Variants in MERTK observed in about 807,000 individuals in gnomAD.
The protein encoded by MERTK is tyrosine-protein kinase Mer.
In MERTK, 69 loss-of-function variants were observed where a neutral mutation model predicts 99.3. That is an observed-to-expected ratio of 0.70 (90% confidence interval 0.57 to 0.85). The LOEUF (loss-of-function observed/expected upper bound fraction) is 0.85, where lower values mean the gene tolerates loss of function less well. Among genes scored for constraint, MERTK ranks in the 40% least tolerant of loss-of-function variants. MERTK has a pLI of 0.00. For synonymous variants in MERTK, 426 were observed against 467.6 expected (o/e 0.91, Z 1.15); for missense variants, 1,125 against 1,249.4 (o/e 0.90, Z 1.50).
intron 7 of MERTK, among the ~76,000 whole-genome samples, chr2:111,976,205 A>G (rs958206780): frequency 1.3e-5 from 2 of 152,020 alleles, no homozygotes; most frequent in African/African-American, 4.8e-5. Context: ...ACCACCCTCC[A>G]GGAACCTGCA....
intron 1 of MERTK, among the ~76,000 whole-genome samples, chr2:111,907,409 C>T (rs1488934618): frequency 2.6e-5 from 4 of 152,102 alleles, no homozygotes; most frequent in African/African-American, 9.7e-5. Context: ...AGTAAAACTC[C>T]GTATCAAAAA....
Position 111,968,620 on chromosome 2 carries a change from A to T in MERTK, c.960+368A>T, listed in dbSNP as rs369675550. Among the ~76,000 whole-genome samples the T allele has an allele frequency of 9.9e-4, 150 of 151,802 alleles. 1 individual carries two copies. Among genetic ancestry groups the T allele is most frequent in the African/African-American group, 3.5e-3 (145 of 41,358 alleles). On this transcript the variant is annotated intron_variant, in intron 6 of 18. Transcript: ENST00000295408. ...GTGATCCCGGCTCACCGCAAACTCCACCTGGTTCAAGCAATTCTCCTGCCT... is the reference window on the plus strand; with the variant it reads ...GTGATCCCGGCTCACCGCAAACTCCTCCTGGTTCAAGCAATTCTCCTGCCT...
intron 1 of MERTK, among the ~76,000 whole-genome samples, chr2:111,917,958 G>A (rs994587103): frequency 1.3e-5 from 2 of 151,738 alleles, no homozygotes; most frequent in Non-Finnish European, 2.9e-5. Context: ...GTAGAGCTCA[G>A]TGGAATTAAA....
chr2:111,921,099 G>A (rs1049909477), intron 1 of MERTK, among the ~76,000 whole-genome samples: 1 of 152,306 alleles, frequency 6.6e-6, no homozygotes, highest in South Asian at 2.1e-4. Flanking sequence ...TGACAGGGCA[G>A]CTGCTCAGGA....
At chr2:111,912,474 C>A (rs1329788846) in intron 1 of MERTK, among the ~76,000 whole-genome samples, 2 of 152,018 alleles carry the variant, frequency 1.3e-5, no homozygotes, top group Non-Finnish European at 2.9e-5. Context: ...TATCAAAACC[C>A]CTATCCAAGT....
chr2:111,898,843 G>C, intron 1 of MERTK, 47 bp downstream of exon 1: 2 of 1,545,468 alleles, frequency 1.3e-6, no homozygotes, highest in South Asian at 2.4e-5. Context: ...GGGGCTCCCA[G>C]GAGGAAGCAG....
chr2:111,983,409 G>T (rs1461509459), intron 8 of MERTK, among the ~76,000 whole-genome samples: 1 of 152,166 alleles, frequency 6.6e-6, no homozygotes, highest in Non-Finnish European at 1.5e-5. Flanking sequence ...ATGGGACTTT[G>T]CAAAAGAAGA....
chr2:111,999,822 A>T (rs1480167247), intron 10 of MERTK, among the ~76,000 whole-genome samples: 1 of 152,182 alleles, frequency 6.6e-6, no homozygotes, highest in Non-Finnish European at 1.5e-5. Flanking sequence ...GGATGGTGGA[A>T]TTATCATTAG....
intron 3 of MERTK, 123 bp downstream of exon 3, chr2:111,945,183 G>T: frequency 1.3e-6 from 1 of 747,914 alleles, no homozygotes; most frequent in East Asian, 2.9e-5. Flanking sequence ...TGCAAACCTT[G>T]CAAATCTATC....
chr2:111,928,215 G>GC (rs1172331204), intron 1 of MERTK, among the ~76,000 whole-genome samples: 47 of 130,936 alleles, frequency 3.6e-4, no homozygotes, highest in Admixed American at 6.6e-4. Context: ...GCCATGAGCA[G>GC]CTTTTTTTTT....
chr2:112,022,517 C>A, intron 18 of MERTK, 123 bp downstream of exon 18: 1 of 1,448,080 alleles, frequency 6.9e-7, no homozygotes, highest in Non-Finnish European at 9.7e-7. Context: ...TGGGCATGTG[C>A]AGAGGGGTGG....
intron 4 of MERTK, among the ~76,000 whole-genome samples, chr2:111,964,010 G>A (rs1685307266): frequency 7.5e-6 from 1 of 132,548 alleles, no homozygotes; most frequent in South Asian, 2.6e-4. Context: ...GGCTCAGGTA[G>A]TTTGTCAGTT....
chr2:111,991,597 A>C (rs1174722715), intron 8 of MERTK, among the ~76,000 whole-genome samples: 1 of 152,110 alleles, frequency 6.6e-6, no homozygotes, highest in Non-Finnish European at 1.5e-5. Context: ...TTGTTCACTT[A>C]ATTAACAAAA....
At position 112,001,286 on chromosome 2, in the gene MERTK, T is replaced by C. The variant is rs1676864342; in HGVS notation, c.1690T>C (p.Leu564=). The C allele has an allele frequency of 5.0e-6, 8 of 1,607,006 alleles. No individual in the cohort carries two copies. The South Asian group carries it at 5.5e-5, about 11-fold the overall frequency. ...CTGTCGGCGAGCCATTGAACTTACC[T>C]GTAAGTTGACTTTCATTTCCCTTTT... The part of the protein sequence containing the change: ...SFCRRAIELT[L]HSLGVSEELQ... The change falls in exon 11 of 19, where the codon TTA becomes CTA. Residue 564 remains leucine (L), a splice_region_variant and synonymous_variant. Coordinates refer to ENST00000295408, the MANE Select transcript of MERTK (RefSeq NM_006343.3).
Position 111,910,610 on chromosome 2 carries a change from G to GTGTGTGTATATATA in MERTK, c.61+11815_61+11816insGTGTGTATATATAT, listed in dbSNP as rs370882764. ...AAAAAAAGTGTGTGTGTGTGTGTGT[G>GTGTGTGTATATATA]TATATATATATATATATACAAATGG... On this transcript the variant is annotated intron_variant, in intron 1 of 18. Coordinates refer to ENST00000295408, the MANE Select transcript of MERTK (RefSeq NM_006343.3). Among the ~76,000 whole-genome samples the GTGTGTGTATATATA allele has an allele frequency of 1.4e-3, 194 of 143,656 alleles. 1 individual carries two copies. The highest frequency in any genetic ancestry group is 4.0e-3 in the African/African-American group (155 of 38,590). The allele number at this position is 143,656 out of a possible 152,430, so 94.2% of individuals were successfully genotyped here.
At chr2:111,935,850 G>T (rs1471688427) in intron 2 of MERTK, among the ~76,000 whole-genome samples, 1 of 152,012 alleles carries the variant, frequency 6.6e-6, no homozygotes, top group East Asian at 1.9e-4. Context: ...TTGCATAGAT[G>T]ATTATATATC....
intron 9 of MERTK, chr2:111,995,613 T>G: frequency 5.3e-6 from 1 of 188,450 alleles, no homozygotes; most frequent in Non-Finnish European, 1.1e-5. Context: ...TAGTAACTGG[T>G]GATGGGGAGG....
At chr2:112,013,480 G>C (rs373388839) in intron 15 of MERTK, 1 of 154,260 alleles carries the variant, frequency 6.5e-6, no homozygotes, top group South Asian at 2.0e-4. Flanking sequence ...TGGCCTTCAC[G>C]TCACTACATA....
chr2:112,010,081 G>C lies in MERTK; in HGVS notation c.2079+15G>C. ...CAGGACCAAAGGTAATGATCTCCTT[G>C]TGTTACCCCTGAACACTTCTCAGGG... On this transcript the variant is annotated intron_variant, in intron 15 of 18. Transcript: ENST00000295408. 1.3e-6 allele frequency: 2 copies of C among 1,552,068 alleles called. No individual in the cohort carries two copies. Among genetic ancestry groups the C allele is most frequent in the South Asian group, 1.1e-5 (1 of 89,870 alleles).
Sources: gnomAD v4.1 joint callset for allele counts (sites outside exome capture counted in the v4.1 genomes callset) on GRCh38, gnomAD v4.1.1 for gene constraint, MANE v1.5 for transcripts, NCBI Gene and HGNC (gene_info 2026-07-23, HGNC 2026-07-21) for gene names.